Variants in CYB5R4 observed in about 807,000 individuals in gnomAD.
CYB5R4 encodes N-terminal cytochrome b5 and cytochrome b5 oxidoreductase domain-containing protein.
In CYB5R4, 55 loss-of-function variants were observed where a neutral mutation model predicts 70.2. That is an observed-to-expected ratio of 0.78 (90% CI 0.63 to 0.98). CYB5R4 has a LOEUF of 0.98. CYB5R4 is among the 50% of genes least tolerant of loss of function. CYB5R4 has a pLI of 0.00. For missense variants in CYB5R4, 562 were observed against 612.6 expected (o/e 0.92, Z 0.87); for synonymous variants, 197 against 199.5 (o/e 0.99, Z 0.11).
intron 4 of CYB5R4, chr6:83,910,026 A>C: frequency 1.9e-6 from 3 of 1,611,610 alleles, no homozygotes; most frequent in Non-Finnish European, 2.5e-6. Flanking sequence ...ATACATGTTA[A>C]GCTGGTACGC....
intron 1 of CYB5R4, among the ~76,000 whole-genome samples, chr6:83,862,465 G>A (rs572577017): frequency 6.6e-6 from 1 of 152,314 alleles, no homozygotes; most frequent in South Asian, 2.1e-4. Context: ...CCTTCCAGAG[G>A]AATTAATGGG....
intron 2 of CYB5R4, among the ~76,000 whole-genome samples, chr6:83,878,783 G>A (rs970443046): frequency 6.6e-6 from 1 of 151,778 alleles, no homozygotes; most frequent in Non-Finnish European, 1.5e-5. Flanking sequence ...GTAAGTAGTT[G>A]AGCTAGATTT....
At chr6:83,940,738 T>A in intron 14 of CYB5R4, 137 bp downstream of exon 14, 1 of 1,067,054 alleles carries the variant, frequency 9.4e-7, no homozygotes, top group Non-Finnish European at 1.3e-6. Flanking sequence ...ATTCTCTAAC[T>A]AGAAATCATG....
chr6:83,922,141 TGTA>T (rs2099466486), intron 8 of CYB5R4, among the ~76,000 whole-genome samples: 1 of 152,198 alleles, frequency 6.6e-6, no homozygotes, highest in Admixed American at 6.5e-5. Context: ...TCTCTTGGTT[TGTA>T]GGATTCCCAG....
intron 2 of CYB5R4, among the ~76,000 whole-genome samples, chr6:83,877,971 T>A (rs2099458834): frequency 6.6e-6 from 1 of 152,144 alleles, no homozygotes; most frequent in Non-Finnish European, 1.5e-5. Context: ...GCCTATATTG[T>A]CCCAGGGCTC....
At chr6:83,946,156 T>C (rs534884735) in intron 14 of CYB5R4, among the ~76,000 whole-genome samples, 4 of 152,308 alleles carry the variant, frequency 2.6e-5, no homozygotes, top group African/African-American at 9.6e-5. Flanking sequence ...CTGATGAACA[T>C]CGATGCAAAA....
intron 10 of CYB5R4, among the ~76,000 whole-genome samples, chr6:83,931,071 G>A (rs145430327): frequency 4.7e-4 from 72 of 152,228 alleles, no homozygotes; most frequent in Middle Eastern, 3.4e-3. Context: ...AGCCTATTTC[G>A]CTTTCTTATC....
intron 3 of CYB5R4, among the ~76,000 whole-genome samples, chr6:83,895,422 G>A (rs774858613): frequency 3.3e-5 from 5 of 152,048 alleles, no homozygotes; most frequent in African/African-American, 9.7e-5. Flanking sequence ...TGCCTCAGCC[G>A]CCCTAAATGC....
intron 11 of CYB5R4, among the ~76,000 whole-genome samples, chr6:83,935,393 A>T (rs1452788283): frequency 6.6e-6 from 1 of 152,154 alleles, no homozygotes; most frequent in Non-Finnish European, 1.5e-5. Context: ...ATATATTATG[A>T]TGAGGCACTG....
Position 83,859,819 on chromosome 6 carries a change from A to C in CYB5R4, c.37A>C (p.Arg13=), listed in dbSNP as rs765594468. The C allele has an allele frequency of 3.1e-6, 5 of 1,613,112 alleles. No individual in the cohort carries two copies. The African/African-American group carries it at 6.7e-5, about 22-fold the overall frequency. ...NVPSQSFPAP[R]SQQRVASGGR... is the part of the protein sequence containing the mutation. ...CCCTTCCCAGTCTTTCCCGGCCCCC[A>C]GGTCGCAGCAGCGTGTCGCCTCCGG... is the stretch of plus-strand genomic sequence containing the variant. Residue 13 remains arginine (R), a synonymous_variant, in exon 1 of 16, where the codon AGG becomes CGG. Transcript: ENST00000369681.
At chr6:83,910,309 C>G in intron 4 of CYB5R4, 1 of 619,310 alleles carries the variant, frequency 1.6e-6, no homozygotes, top group South Asian at 2.0e-5. Flanking sequence ...AGACAAAGCA[C>G]AAGCTCAGAG....
At position 83,960,037 on chromosome 6, in the gene CYB5R4, C is replaced by A. The variant is rs187965910; in HGVS notation, c.*159C>A. ...AATGTTCCTTCAGTACAGGTAACTT[C>A]TTGGCTTTCTTTTGTACCACAACTT... On this transcript the variant is annotated 3_prime_UTR_variant, in exon 16 of 16. Coordinates refer to ENST00000369681, the MANE Select transcript of CYB5R4 (RefSeq NM_016230.4). 4.0e-6 allele frequency: 2 copies of A among 499,654 alleles called. No homozygotes were observed. The highest frequency in any genetic ancestry group is 7.3e-5 in the East Asian group (2 of 27,464). The allele number at this position is 499,654 out of a possible 1,614,324, so 31.0% of individuals were successfully genotyped here. A position where few individuals can be genotyped will look rare whatever the true frequency, so the allele number is the denominator to read the frequency against.
intron 14 of CYB5R4, 43 bp downstream of exon 14, chr6:83,940,644 G>A (rs749600509): frequency 1.9e-6 from 3 of 1,569,744 alleles, no homozygotes; most frequent in Admixed American, 3.9e-5. Context: ...ATTTATACCT[G>A]GGTAGTAAGT....
intron 14 of CYB5R4, among the ~76,000 whole-genome samples, chr6:83,954,477 G>T (rs1588588282): frequency 6.6e-6 from 1 of 151,994 alleles, no homozygotes; most frequent in East Asian, 1.9e-4. Context: ...GATTTCTATT[G>T]ATCTTGTCAC....
intron 3 of CYB5R4, among the ~76,000 whole-genome samples, chr6:83,906,468 A>G: frequency 6.6e-6 from 1 of 152,144 alleles, no homozygotes; most frequent in East Asian, 1.9e-4. Flanking sequence ...ATCTCCCAGC[A>G]GCTCTCTATT....
At chr6:83,896,525 T>C (rs775119248) in intron 3 of CYB5R4, among the ~76,000 whole-genome samples, 1 of 152,252 alleles carries the variant, frequency 6.6e-6, no homozygotes, top group Admixed American at 6.5e-5. Context: ...AGTATTTGTC[T>C]TTCTGTGTCT....
intron 11 of CYB5R4, 81 bp downstream of exon 11, chr6:83,934,816 A>T (rs41271591): frequency 1.2e-5 from 15 of 1,273,570 alleles, no homozygotes; most frequent in Non-Finnish European, 1.6e-5. Context: ...CTAGAAAACA[A>T]CCATTTAAGT....
chr6:83,888,901 G>T (rs541922979), intron 2 of CYB5R4, among the ~76,000 whole-genome samples: 1 of 152,178 alleles, frequency 6.6e-6, no homozygotes. Context: ...GTAAGCATAC[G>T]AATGATATAA....
At chr6:83,893,222 G>C (rs1371563665) in intron 2 of CYB5R4, among the ~76,000 whole-genome samples, 1 of 152,188 alleles carries the variant, frequency 6.6e-6, no homozygotes. Flanking sequence ...AGAGTTCAGT[G>C]AACTGACACA....
Sources: allele counts gnomAD v4.1 joint callset (sites outside exome capture counted in the v4.1 genomes callset), GRCh38; gene constraint gnomAD v4.1.1; transcripts MANE v1.5; gene names NCBI Gene and HGNC (gene_info 2026-07-23, HGNC 2026-07-21).